The following SLC9C1 variants were observed in gnomAD, a reference collection of about 807,000 sequenced individuals.
SLC9C1 encodes the protein solute carrier family 9 member C1.
In SLC9C1, 97 loss-of-function variants were observed where a neutral mutation model predicts 140.9. That is an observed-to-expected ratio of 0.69 (90% CI 0.58 to 0.82). SLC9C1 has a LOEUF of 0.82. SLC9C1 is among the 40% of genes least tolerant of loss of function. SLC9C1 has a pLI of 0.00. For synonymous variants in SLC9C1, 440 were observed against 442.6 expected, an observed-to-expected ratio of 0.99 and a Z score of 0.07; for missense variants, 1,340 against 1,389.3, an observed-to-expected ratio of 0.96 and a Z score of 0.56.
At chr3:112,155,742 G>A (rs2075110452) in intron 26 of SLC9C1, among the ~76,000 whole-genome samples, 1 of 152,168 alleles carries the variant, frequency 6.6e-6, no homozygotes, top group African/African-American at 2.4e-5. Flanking sequence ...AGGTTTTAAA[G>A]TGTGGGGAGA....
chr3:112,201,299 A>G (rs1368194197), intron 18 of SLC9C1, among the ~76,000 whole-genome samples: 1 of 152,090 alleles, frequency 6.6e-6, no homozygotes, highest in Non-Finnish European at 1.5e-5. Flanking sequence ...ATTAGGGATA[A>G]TAAGACAATA....
chr3:112,276,385 A>AT (rs2080215042), intron 5 of SLC9C1, among the ~76,000 whole-genome samples: 2 of 150,932 alleles, frequency 1.3e-5, no homozygotes, highest in South Asian at 4.2e-4. Context: ...TATATGAAAA[A>AT]ATATATATAT....
chr3:112,156,693 T>A (rs2075136646), intron 26 of SLC9C1, among the ~76,000 whole-genome samples: 1 of 152,118 alleles, frequency 6.6e-6, no homozygotes, highest in East Asian at 1.9e-4. Flanking sequence ...GTATTTTAAA[T>A]TTTTTGTCTT....
chr3:112,237,439 G>C (rs1169223861), intron 12 of SLC9C1, among the ~76,000 whole-genome samples: 1 of 152,146 alleles, frequency 6.6e-6, no homozygotes, highest in African/African-American at 2.4e-5. Flanking sequence ...TTTAATTGGA[G>C]CATTTAGCCC....
chr3:112,161,157 A>G (rs900971455), intron 26 of SLC9C1, among the ~76,000 whole-genome samples: 1 of 152,094 alleles, frequency 6.6e-6, no homozygotes, highest in Non-Finnish European at 1.5e-5. Flanking sequence ...TTCATTGTAG[A>G]TTCTGGATAT....
intron 25 of SLC9C1, among the ~76,000 whole-genome samples, chr3:112,167,731 T>A: frequency 6.6e-6 from 1 of 152,140 alleles, no homozygotes; most frequent in Middle Eastern, 3.2e-3. Flanking sequence ...CAAAATATTC[T>A]TCCACCTTGT....
chr3:112,283,048 C>G (rs2080401946), intron 2 of SLC9C1, among the ~76,000 whole-genome samples: 1 of 152,206 alleles, frequency 6.6e-6, no homozygotes, highest in South Asian at 2.1e-4. Flanking sequence ...ATGGATGCTA[C>G]TGTTTTACCG....
At chr3:112,217,402 G>T (rs761449383) in intron 15 of SLC9C1, 40 bp downstream of exon 15, 1 of 1,522,412 alleles carries the variant, frequency 6.6e-7, no homozygotes, top group Non-Finnish European at 8.8e-7. Context: ...AATTTCAAGT[G>T]AATATAATAG....
At chr3:112,259,892 A>G (rs2079723222) in intron 10 of SLC9C1, among the ~76,000 whole-genome samples, 1 of 152,206 alleles carries the variant, frequency 6.6e-6, no homozygotes, top group Non-Finnish European at 1.5e-5. Flanking sequence ...GTTCTCTATC[A>G]ACATTAGAAA....
intron 6 of SLC9C1, among the ~76,000 whole-genome samples, chr3:112,270,819 A>C (rs1435907405): frequency 1.3e-5 from 2 of 152,216 alleles, no homozygotes; most frequent in Non-Finnish European, 2.9e-5. Context: ...CTGTCTCAAA[A>C]AAAAAGGGTA....
chr3:112,170,631 A>G (rs79936589), intron 23 of SLC9C1, among the ~76,000 whole-genome samples: 8,223 of 152,310 alleles, frequency 0.054, 268 homozygotes, highest in South Asian at 0.084. Flanking sequence ...GCATCTATAA[A>G]TATGTTATTT....
intron 1 of SLC9C1, among the ~76,000 whole-genome samples, chr3:112,292,482 A>T (rs1474356103): frequency 6.6e-6 from 1 of 152,196 alleles, no homozygotes; most frequent in East Asian, 1.9e-4. Flanking sequence ...AAATACTAAC[A>T]TTACTGTAGC....
At chr3:112,250,654 C>T (rs1173737513) in intron 10 of SLC9C1, among the ~76,000 whole-genome samples, 1 of 152,072 alleles carries the variant, frequency 6.6e-6, no homozygotes, top group Non-Finnish European at 1.5e-5. Flanking sequence ...ATGTGAAAAT[C>T]GCTATCACCA....
chr3:112,241,262 T>C (rs1340428389), intron 11 of SLC9C1, among the ~76,000 whole-genome samples: 1 of 152,166 alleles, frequency 6.6e-6, no homozygotes, highest in South Asian at 2.1e-4. Context: ...TCACTTTGCA[T>C]GCCTGTACCA....
intron 8 of SLC9C1, among the ~76,000 whole-genome samples, chr3:112,265,461 T>C (rs1345759324): frequency 1.3e-5 from 2 of 152,160 alleles, no homozygotes; most frequent in African/African-American, 4.8e-5. Flanking sequence ...CAGAATCCTA[T>C]AAGACCCTAT....
intron 15 of SLC9C1, among the ~76,000 whole-genome samples, chr3:112,216,576 C>T (rs1055773097): frequency 3.3e-5 from 5 of 151,796 alleles, no homozygotes; most frequent in Non-Finnish European, 5.9e-5. Flanking sequence ...CAAAAGAAGA[C>T]ATTTATGCAG....
intron 3 of SLC9C1, 141 bp downstream of exon 3, chr3:112,280,542 C>A: frequency 1.4e-6 from 1 of 703,848 alleles, no homozygotes; most frequent in Non-Finnish European, 2.3e-6. Flanking sequence ...ACATACCTGA[C>A]GTGATGCTAG....
At chr3:112,155,537 G>C (rs1026494098) in intron 26 of SLC9C1, among the ~76,000 whole-genome samples, 2 of 152,154 alleles carry the variant, frequency 1.3e-5, no homozygotes, top group African/African-American at 4.8e-5. Context: ...GTGAATTTGG[G>C]ATGTATCAGT....
intron 27 of SLC9C1, among the ~76,000 whole-genome samples, chr3:112,152,918 T>C (rs2075026239): frequency 6.6e-6 from 1 of 152,194 alleles, no homozygotes; most frequent in African/African-American, 2.4e-5. Flanking sequence ...TTTTTCTTAG[T>C]ACAGATCAAA....
Sources: gnomAD v4.1 joint callset for allele counts (sites outside exome capture counted in the v4.1 genomes callset) on GRCh38, gnomAD v4.1.1 for gene constraint, MANE v1.5 for transcripts, NCBI Gene and HGNC (gene_info 2026-07-23, HGNC 2026-07-21) for gene names.